The following CUBN variants were observed in gnomAD, a reference collection of about 807,000 sequenced individuals.
The protein encoded by CUBN is 460 kDa receptor.
Under a neutral mutation model 405.3 loss-of-function variants are expected in CUBN, and 282 were observed. That is an observed-to-expected ratio of 0.70 (90% CI 0.63 to 0.77). The LOEUF is 0.77. Among genes scored for constraint, CUBN ranks in the 30% least tolerant of loss-of-function variants. The pLI is 0.00. For missense variants in CUBN, 4,514 were observed against 4,475.2 expected, an observed-to-expected ratio of 1.01 and a Z score of -0.25; for synonymous variants, 1,684 against 1,617.0, an observed-to-expected ratio of 1.04 and a Z score of -0.99.
At chr10:16,856,204 C>T (rs1185419977) in intron 59 of CUBN, among the ~76,000 whole-genome samples, 2 of 152,014 alleles carry the variant, frequency 1.3e-5, no homozygotes, top group Non-Finnish European at 2.9e-5. Context: ...ATCACCAATC[C>T]ATCATTTCCT....
intron 59 of CUBN, among the ~76,000 whole-genome samples, chr10:16,859,080 T>C (rs1410902416): frequency 2.0e-5 from 3 of 152,182 alleles, no homozygotes; most frequent in Non-Finnish European, 4.4e-5. Context: ...TTCTTAGACT[T>C]GGTATCAAAA....
Position 16,840,501 on chromosome 10 carries a change from G to A in CUBN, c.9861C>T (p.Thr3287=). The A allele has an allele frequency of 6.2e-7, 1 of 1,610,338 alleles. No homozygotes were observed. The highest frequency in any genetic ancestry group is 8.5e-7 in the Non-Finnish European group (1 of 1,178,070). ...AATTGGGTGATGAAATATTTTGTGG[G>A]GTCCAAGTTGCATTGTATGTTCCAC... ...PCGGTYNATW[T]PQNISSPNSS... Residue 3287 remains threonine (T), a synonymous_variant, in exon 62 of 67, where the codon ACC becomes ACT. Coordinates refer to ENST00000377833, the MANE Select transcript of CUBN (RefSeq NM_001081.4).
intron 29 of CUBN, among the ~76,000 whole-genome samples, chr10:16,989,817 C>T (rs907184126): frequency 1.3e-5 from 2 of 152,300 alleles, no homozygotes; most frequent in East Asian, 1.9e-4. Flanking sequence ...TGAAGAGCAG[C>T]GGCAGCCCTG....
At chr10:16,897,862 C>T (rs1197134994) in intron 54 of CUBN, among the ~76,000 whole-genome samples, 9 of 152,034 alleles carry the variant, frequency 5.9e-5, no homozygotes, top group African/African-American at 1.7e-4. Flanking sequence ...TGGGCTTGCC[C>T]GATGTTATCA....
chr10:17,067,997 G>GCAGGA (rs1835650179), intron 21 of CUBN, 67 bp downstream of exon 21: 2 of 1,302,506 alleles, frequency 1.5e-6, no homozygotes, highest in East Asian at 2.3e-5. Context: ...TCAATTTTAA[G>GCAGGA]ATCCTTCACT....
In CUBN at chr10:17,088,163, C is replaced by T; in HGVS notation, c.1947+1G>A. The T allele has an allele frequency of 6.2e-7, 1 of 1,607,552 alleles. No individual in the cohort carries two copies. The highest frequency in any genetic ancestry group is 8.5e-7 in the Non-Finnish European group (1 of 1,174,148). On this transcript the variant is annotated splice_donor_variant, in intron 15 of 66. Transcript: ENST00000377833. LOFTEE classifies it high-confidence loss of function. The stretch of plus-strand genomic sequence containing the variant: ...TGTTCTATCTAAATATAATTATTTA[C>T]CTCAAGGTAATCTTTGTTGCAGTCA...
At chr10:16,853,310 T>C (rs893901441) in intron 59 of CUBN, among the ~76,000 whole-genome samples, 1 of 152,254 alleles carries the variant, frequency 6.6e-6, no homozygotes, top group East Asian at 1.9e-4. Context: ...ATATAGGTCA[T>C]GGCTAGTTCC....
chr10:17,127,308 T>C (rs1391759788), intron 3 of CUBN, among the ~76,000 whole-genome samples: 1 of 142,066 alleles, frequency 7.0e-6, no homozygotes, highest in Non-Finnish European at 1.5e-5. Context: ...CTCTGTTGCC[T>C]GGGCTGGAGC....
intron 45 of CUBN, among the ~76,000 whole-genome samples, chr10:16,916,744 G>A (rs868255138): frequency 8.6e-5 from 13 of 151,600 alleles, no homozygotes; most frequent in African/African-American, 2.2e-4. Flanking sequence ...ATCTTCAACC[G>A]CTCATTTTTT....
chr10:17,020,429 A>T (rs1834460243), intron 27 of CUBN, among the ~76,000 whole-genome samples: 1 of 152,240 alleles, frequency 6.6e-6, no homozygotes, highest in East Asian at 1.9e-4. Context: ...ACTTTGACAC[A>T]GGCATGCAAT....
chr10:16,969,120 C>T (rs949502260), intron 31 of CUBN, among the ~76,000 whole-genome samples: 3 of 152,200 alleles, frequency 2.0e-5, no homozygotes, highest in African/African-American at 4.8e-5. Context: ...GCTCACAACA[C>T]GAAGATTGTA....
chr10:16,930,144 A>T (rs1388013274), intron 40 of CUBN, among the ~76,000 whole-genome samples: 1 of 152,248 alleles, frequency 6.6e-6, no homozygotes, highest in Non-Finnish European at 1.5e-5. Context: ...GTCAAAGAAC[A>T]GTAAAGGCTA....
At chr10:16,986,423 G>C (rs1348716260) in intron 29 of CUBN, among the ~76,000 whole-genome samples, 1 of 152,148 alleles carries the variant, frequency 6.6e-6, no homozygotes, top group African/African-American at 2.4e-5. Flanking sequence ...CTTTGGGGAG[G>C]AGTGTGTGAT....
chr10:16,868,183 A>T (rs1725195656), intron 59 of CUBN, among the ~76,000 whole-genome samples: 2 of 152,180 alleles, frequency 1.3e-5, no homozygotes, highest in Admixed American at 1.3e-4. Context: ...GTTACTGTTG[A>T]GACAGCTAAG....
At chr10:17,121,837 T>G (rs2131321804) in intron 6 of CUBN, 1 of 152,310 alleles carries the variant, frequency 6.6e-6, no homozygotes, top group South Asian at 2.1e-4. Context: ...GAGCAAATAA[T>G]TGCTCTTCAA....
chr10:16,954,575 G>T, intron 31 of CUBN, 27 bp from the exon 32 acceptor site: 1 of 1,611,862 alleles, frequency 6.2e-7, no homozygotes, highest in Non-Finnish European at 8.5e-7. Context: ...AGGGCAAACA[G>T]TGGTTCAGAT....
chr10:16,873,356 T>C (rs1000757022), intron 58 of CUBN, among the ~76,000 whole-genome samples: 3 of 152,210 alleles, frequency 2.0e-5, no homozygotes, highest in African/African-American at 7.2e-5. Flanking sequence ...TGACTCAAGC[T>C]ATCTCTCATA....
intron 17 of CUBN, among the ~76,000 whole-genome samples, chr10:17,072,956 C>A (rs1407127570): frequency 6.6e-6 from 1 of 151,896 alleles, no homozygotes; most frequent in Non-Finnish European, 1.5e-5. Context: ...ATAATTATTC[C>A]CATCCCACCC....
chr10:16,959,846 AATATAAC>A (rs1476076431), intron 31 of CUBN, among the ~76,000 whole-genome samples: 6 of 152,312 alleles, frequency 3.9e-5, no homozygotes, highest in African/African-American at 1.4e-4. Context: ...CACATATATT[AATATAAC>A]ATATAATTCT....
Sources: gnomAD v4.1 joint callset for allele counts (sites outside exome capture counted in the v4.1 genomes callset) on GRCh38, gnomAD v4.1.1 for gene constraint, MANE v1.5 for transcripts, NCBI Gene and HGNC (gene_info 2026-07-23, HGNC 2026-07-21) for gene names.